The following NXPE2 variants were observed in gnomAD, a reference collection of about 807,000 sequenced individuals.
NXPE2 encodes the protein NXPE family member 2.
NXPE2 carries 34 observed loss-of-function variants against 34.4 expected under a neutral mutation model. That is an observed-to-expected ratio of 0.99 (90% CI 0.75 to 1.31). The LOEUF (loss-of-function observed/expected upper bound fraction) is 1.31. NXPE2 is among the 40% of genes most tolerant of loss of function. The pLI is 0.00. For missense variants in NXPE2, 649 were observed against 672.5 expected (o/e 0.97, Z 0.39); for synonymous variants, 235 against 231.3 (o/e 1.02, Z -0.15).
chr11:114,561,548 G>A, the NXPE2 span, among the ~76,000 whole-genome samples: 7 of 152,160 alleles, frequency 4.6e-5, no homozygotes, highest in Admixed American at 1.3e-4. Flanking sequence ...GTATTAGACT[G>A]AGTACATATT....
At chr11:114,492,631 T>C in the NXPE2 span, among the ~76,000 whole-genome samples, 1 of 151,852 alleles carries the variant, frequency 6.6e-6, no homozygotes, top group Admixed American at 6.6e-5. Flanking sequence ...CTCCGCGTCC[T>C]GGGTTCACGC....
the NXPE2 span, among the ~76,000 whole-genome samples, chr11:114,555,138 G>A: frequency 2.0e-5 from 3 of 151,628 alleles, no homozygotes; most frequent in African/African-American, 7.3e-5. Context: ...TTGCTGTCTG[G>A]TATAGATATT....
At chr11:114,778,844 C>T in the NXPE2 span, among the ~76,000 whole-genome samples, 29 of 152,188 alleles carry the variant, frequency 1.9e-4, no homozygotes, top group Non-Finnish European at 2.6e-4. Context: ...CATCTCAGGC[C>T]TTCACTTTAT....
At chr11:114,633,027 T>A in the NXPE2 span, among the ~76,000 whole-genome samples, 1 of 111,422 alleles carries the variant, frequency 9.0e-6, no homozygotes, top group South Asian at 2.5e-4. Flanking sequence ...ATATATAATG[T>A]AATATTTTAT....
the NXPE2 span, among the ~76,000 whole-genome samples, chr11:114,792,030 G>T: frequency 1.3e-5 from 2 of 152,100 alleles, no homozygotes; most frequent in Non-Finnish European, 2.9e-5. Flanking sequence ...TGCACTCCAG[G>T]CTGGGCGACT....
the NXPE2 span, among the ~76,000 whole-genome samples, chr11:114,518,786 G>C: frequency 3.9e-5 from 6 of 152,274 alleles, no homozygotes; most frequent in South Asian, 1.2e-3. Flanking sequence ...AGCCCAGGAA[G>C]GTTAAATGTA....
chr11:114,594,824 A>C, the NXPE2 span: 2 of 917,680 alleles, frequency 2.2e-6, no homozygotes, highest in Non-Finnish European at 3.4e-6. Context: ...ACAGAAAAGC[A>C]AACAAACATG....
chr11:114,532,722 T>A, the NXPE2 span, among the ~76,000 whole-genome samples: 1 of 152,200 alleles, frequency 6.6e-6, no homozygotes, highest in African/African-American at 2.4e-5. Flanking sequence ...TGTGTGTATG[T>A]GCATATATGC....
the NXPE2 span, among the ~76,000 whole-genome samples, chr11:114,787,044 C>A: frequency 6.6e-6 from 1 of 152,170 alleles, no homozygotes; most frequent in Non-Finnish European, 1.5e-5. Flanking sequence ...TAATGTCCTG[C>A]TGCCGCCCGC....
chr11:114,744,916 ATAAT>A, the NXPE2 span, among the ~76,000 whole-genome samples: 1 of 152,250 alleles, frequency 6.6e-6, no homozygotes, highest in Non-Finnish European at 1.5e-5. Context: ...TGTGTATAAA[ATAAT>A]TAAGAATTTA....
chr11:114,554,385 A>G, the NXPE2 span: 1 of 985,158 alleles, frequency 1.0e-6, no homozygotes, highest in Non-Finnish European at 1.2e-6. Context: ...TAGACCACAG[A>G]GGTGATGACA....
chr11:114,631,786 T>C, the NXPE2 span, among the ~76,000 whole-genome samples: 5 of 149,122 alleles, frequency 3.4e-5, no homozygotes, highest in African/African-American at 1.2e-4. Context: ...TCATGAGTAA[T>C]CACTGTTACC....
chr11:114,591,174 A>C, the NXPE2 span, among the ~76,000 whole-genome samples: 1 of 152,162 alleles, frequency 6.6e-6, no homozygotes, highest in Non-Finnish European at 1.5e-5. Flanking sequence ...TTGAAAGTGC[A>C]CCTCTCTATC....
chr11:114,525,169 A>G, the NXPE2 span, among the ~76,000 whole-genome samples: 1 of 151,858 alleles, frequency 6.6e-6, no homozygotes, highest in African/African-American at 2.4e-5. Flanking sequence ...TCTGCTTGTA[A>G]GTCCCTACTA....
chr11:114,577,109 A>T, the NXPE2 span, among the ~76,000 whole-genome samples: 2 of 142,696 alleles, frequency 1.4e-5, no homozygotes, highest in Non-Finnish European at 3.0e-5. Context: ...AGTTATATAT[A>T]TACACATATA....
the NXPE2 span, among the ~76,000 whole-genome samples, chr11:114,758,158 A>G: frequency 1.3e-5 from 2 of 149,496 alleles, no homozygotes; most frequent in Admixed American, 1.3e-4. Context: ...CACAGACACT[A>G]TGACTTCTTC....
the NXPE2 span, among the ~76,000 whole-genome samples, chr11:114,561,911 A>G: frequency 3.3e-5 from 5 of 151,976 alleles, no homozygotes; most frequent in Non-Finnish European, 7.4e-5. Flanking sequence ...TCTCCAGTTT[A>G]TTGTTTTCAT....
chr11:114,802,961 G>T, the NXPE2 span, among the ~76,000 whole-genome samples: 1 of 152,134 alleles, frequency 6.6e-6, no homozygotes, highest in Non-Finnish European at 1.5e-5. Context: ...GATTCCAGGG[G>T]TGATGTGTTT....
the NXPE2 span, among the ~76,000 whole-genome samples, chr11:114,621,660 C>T: frequency 6.6e-6 from 1 of 152,164 alleles, no homozygotes; most frequent in African/African-American, 2.4e-5. Context: ...ACCACTGTTA[C>T]CCTGTGGATA....
Sources: allele counts gnomAD v4.1 joint callset (sites outside exome capture counted in the v4.1 genomes callset), GRCh38; gene constraint gnomAD v4.1.1; transcripts MANE v1.5; gene names NCBI Gene and HGNC (gene_info 2026-07-23, HGNC 2026-07-21).